Variants in PTCHD4 observed in about 807,000 individuals in gnomAD.
PTCHD4 encodes patched domain-containing protein 4.
In PTCHD4, 33 loss-of-function variants were observed where a neutral mutation model predicts 58.1. The observed-to-expected ratio is 0.57, with a 90% CI of 0.43 to 0.76. The LOEUF (loss-of-function observed/expected upper bound fraction) is 0.76, where lower values mean the gene tolerates loss of function less well. PTCHD4 is among the 30% of genes least tolerant of loss of function. The pLI is 0.00. For missense variants in PTCHD4, 1,058 were observed against 1,027.1 expected (o/e 1.03, Z -0.41); for synonymous variants, 478 against 409.6 (o/e 1.17, Z -2.02).
At chr6:48,032,493 C>G (rs1299857556) in intron 3 of PTCHD4, among the ~76,000 whole-genome samples, 2 of 151,712 alleles carry the variant, frequency 1.3e-5, no homozygotes, top group African/African-American at 4.8e-5. Flanking sequence ...TTCCAAAATT[C>G]TAACTTAATA....
At chr6:48,034,524 T>A (rs940119086) in intron 3 of PTCHD4, among the ~76,000 whole-genome samples, 4 of 152,252 alleles carry the variant, frequency 2.6e-5, no homozygotes, top group African/African-American at 9.6e-5. Context: ...GACCATTTGG[T>A]TAATATCTTA....
intron 3 of PTCHD4, among the ~76,000 whole-genome samples, chr6:48,036,166 C>T (rs531251045): frequency 6.6e-5 from 10 of 151,890 alleles, no homozygotes; most frequent in South Asian, 2.1e-4. Context: ...TTTTCACTTC[C>T]GAGAAATTAA....
chr6:48,029,578 C>T (rs1763365499), intron 3 of PTCHD4, among the ~76,000 whole-genome samples: 1 of 151,962 alleles, frequency 6.6e-6, no homozygotes, highest in Non-Finnish European at 1.5e-5. Flanking sequence ...TTTTAAGTTT[C>T]TATAATTTGT....
At chr6:47,987,012 A>G (rs1473058744) in intron 4 of PTCHD4, among the ~76,000 whole-genome samples, 1 of 152,112 alleles carries the variant, frequency 6.6e-6, no homozygotes, top group Non-Finnish European at 1.5e-5. Context: ...AGAAGGAGAT[A>G]CCAGGGTATT....
Position 47,878,652 on chromosome 6 carries a change from G to C in PTCHD4, c.2183C>G (p.Pro728Arg). 2 of 1,613,584 alleles carry C rather than the reference G, an allele frequency of 1.2e-6. No individual in the cohort carries two copies. Among genetic ancestry groups the C allele is most frequent in the Non-Finnish European group, 1.7e-6 (2 of 1,179,760 alleles). Residue 728 changes from proline (P) to arginine (R), a missense_variant, in exon 5 of 5, where the codon CCA becomes CGA. Pro to Arg is a moderately radical substitution (Grantham distance 103, BLOSUM62 -2). Coordinates refer to ENST00000339488, the MANE Select transcript of PTCHD4 (RefSeq NM_001384253.1). ...TGCTAATACAAATGTGAAAAGCAGT[G>C]GTGCACAGTGGTCAATGGCGAAATT... ...TLNFAIDHCA[P>R]LLFTFVLATE... is the part of the protein sequence containing the mutation.
At chr6:48,002,666 G>A (rs557397682) in intron 4 of PTCHD4, among the ~76,000 whole-genome samples, 1 of 151,916 alleles carries the variant, frequency 6.6e-6, no homozygotes, top group Non-Finnish European at 1.5e-5. Flanking sequence ...GTTAAATGAC[G>A]AGTTACTGGG....
chr6:47,909,899 T>A (rs1055213575), intron 4 of PTCHD4, among the ~76,000 whole-genome samples: 1 of 152,186 alleles, frequency 6.6e-6, no homozygotes, highest in Non-Finnish European at 1.5e-5. Flanking sequence ...ATGAGAAATG[T>A]CAGGTTCAGT....
chr6:47,923,878 C>A (rs929559890), intron 4 of PTCHD4, among the ~76,000 whole-genome samples: 1 of 152,146 alleles, frequency 6.6e-6, no homozygotes, highest in African/African-American at 2.4e-5. Context: ...TGCTTCTTGT[C>A]CCAGCTGGGG....
intron 4 of PTCHD4, among the ~76,000 whole-genome samples, chr6:47,978,494 C>A (rs776291708): frequency 2.0e-4 from 30 of 152,146 alleles, no homozygotes; most frequent in Non-Finnish European, 2.4e-4. Context: ...ATAATAGTTT[C>A]TACCTCATAG....
intron 4 of PTCHD4, among the ~76,000 whole-genome samples, chr6:47,966,481 G>A (rs1038680882): frequency 3.3e-5 from 5 of 152,158 alleles, no homozygotes; most frequent in Admixed American, 6.5e-5. Context: ...GAAGATTAGG[G>A]TGATTGTCAC....
intron 4 of PTCHD4, among the ~76,000 whole-genome samples, chr6:47,909,517 T>C (rs1334432009): frequency 1.3e-5 from 2 of 152,164 alleles, no homozygotes; most frequent in Non-Finnish European, 1.5e-5. Flanking sequence ...AGTGTTAAGA[T>C]GCACACTGTA....
intron 3 of PTCHD4, among the ~76,000 whole-genome samples, chr6:48,034,670 A>G (rs532796698): frequency 1.1e-3 from 170 of 152,200 alleles, no homozygotes; most frequent in African/African-American, 4.0e-3. Context: ...TTTACTCCTG[A>G]GCCATGGCAT....
intron 3 of PTCHD4, among the ~76,000 whole-genome samples, chr6:48,021,477 C>A (rs758185372): frequency 1.3e-5 from 2 of 152,072 alleles, no homozygotes; most frequent in African/African-American, 2.4e-5. Flanking sequence ...TAATCTTTGC[C>A]TTTGTACCTT....
At chr6:47,958,095 G>T (rs1248040507) in intron 4 of PTCHD4, among the ~76,000 whole-genome samples, 1 of 152,098 alleles carries the variant, frequency 6.6e-6, no homozygotes, top group Non-Finnish European at 1.5e-5. Context: ...ATGGACAAAA[G>T]TTTAGTGTCT....
At chr6:48,073,609 C>T (rs1765013255) in intron 1 of PTCHD4, among the ~76,000 whole-genome samples, 1 of 152,168 alleles carries the variant, frequency 6.6e-6, no homozygotes, top group Non-Finnish European at 1.5e-5. Flanking sequence ...GTGGATATTT[C>T]TGGTCATCCA....
At chr6:48,050,088 A>G (rs540030182) in intron 3 of PTCHD4, among the ~76,000 whole-genome samples, 1 of 152,136 alleles carries the variant, frequency 6.6e-6, no homozygotes, top group East Asian at 1.9e-4. Flanking sequence ...GTCATTCTAC[A>G]TTGTTAATAG....
At position 48,111,105 on chromosome 6, in the gene PTCHD4, G is replaced by C. The variant is rs888178595; in HGVS notation, c.-1026C>G. Among the ~76,000 whole-genome samples, 2 of 152,026 alleles carry C rather than the reference G, an allele frequency of 1.3e-5. No homozygotes were observed. The highest frequency in any genetic ancestry group is 2.9e-5 in the Non-Finnish European group (2 of 67,998). On this transcript the variant is annotated 5_prime_UTR_variant, in exon 1 of 5. Transcript: ENST00000339488. Reference sequence around the variant, plus strand: ...AGGCAACAACAGAATTGGAGAGTGAGAGGGGATTTCTTTTATTTCTTCTCT... The same window carrying C: ...AGGCAACAACAGAATTGGAGAGTGACAGGGGATTTCTTTTATTTCTTCTCT...
Position 47,938,680 on chromosome 6 carries a change from T to C in PTCHD4, c.899-58744A>G, listed in dbSNP as rs570693282. ...TGTGGTAATGAATTTATAGTGAGAA[T>C]AGTGGTGTGCTTGTGTGTTTTTCTT... On this transcript the variant is annotated intron_variant, in intron 4 of 4. Coordinates refer to ENST00000339488, the MANE Select transcript of PTCHD4 (RefSeq NM_001384253.1). Among the ~76,000 whole-genome samples, 89 of 152,278 alleles carry C rather than the reference T, an allele frequency of 5.8e-4. No individual in the cohort carries two copies. The East Asian group carries it at 7.9e-3, about 14-fold the overall frequency.
intron 3 of PTCHD4, among the ~76,000 whole-genome samples, chr6:48,038,410 G>A (rs959381284): frequency 6.6e-6 from 1 of 152,008 alleles, no homozygotes; most frequent in Non-Finnish European, 1.5e-5. Context: ...GGGAGGCCGA[G>A]GCGGGCAGAT....
Sources: gnomAD v4.1 joint callset for allele counts (sites outside exome capture counted in the v4.1 genomes callset) on GRCh38, gnomAD v4.1.1 for gene constraint, MANE v1.5 for transcripts, NCBI Gene and HGNC (gene_info 2026-07-23, HGNC 2026-07-21) for gene names.